The following ARHGAP25 variants were observed in gnomAD, a reference collection of about 807,000 sequenced individuals.
ARHGAP25 encodes the protein Rho GTPase activating protein 25, also known as rho GTPase-activating protein 25.
ARHGAP25 carries 34 observed loss-of-function variants against 71.0 expected under a neutral mutation model. That is an observed-to-expected ratio of 0.48 (90% CI 0.36 to 0.64). ARHGAP25 has a LOEUF of 0.64. Among genes scored for constraint, ARHGAP25 ranks in the 30% least tolerant of loss-of-function variants. ARHGAP25 has a pLI of 0.00. For missense variants in ARHGAP25, 706 were observed against 805.1 expected (o/e 0.88, Z 1.49); for synonymous variants, 282 against 296.5 (o/e 0.95, Z 0.50).
At chr2:68,791,321 C>G (rs1017332678) in intron 4 of ARHGAP25, among the ~76,000 whole-genome samples, 10 of 152,174 alleles carry the variant, frequency 6.6e-5, no homozygotes, top group African/African-American at 2.4e-4. Context: ...ATCCTAGAAT[C>G]TAAACAGTGC....
intron 1 of ARHGAP25, chr2:68,735,490 G>C: frequency 1.7e-6 from 1 of 595,482 alleles, no homozygotes; most frequent in Non-Finnish European, 3.0e-6. Flanking sequence ...TTGGTGTGCA[G>C]GATCTGGGGT....
At position 68,775,060 on chromosome 2, in the gene ARHGAP25, G is replaced by A; in HGVS notation, c.62-161G>A. ...GGCCCCTCGGCTGCTTCTCTGGCTC[G>A]GGGGGGACTTTCTCTGGCTCAGATC... On this transcript the variant is annotated intron_variant, in intron 1 of 10. Transcript: ENST00000409202. 2.0e-6 allele frequency: 3 copies of A among 1,513,050 alleles called. No homozygotes were observed. The highest frequency in any genetic ancestry group is 2.6e-5 in the South Asian group (2 of 77,254). The allele number at this position is 1,513,050 out of a possible 1,614,324, so 93.7% of individuals were successfully genotyped here. A position where few individuals can be genotyped will look rare whatever the true frequency, so the allele number is the denominator to read the frequency against.
intron 2 of ARHGAP25, among the ~76,000 whole-genome samples, chr2:68,717,669 T>C (rs1024221635): frequency 6.6e-5 from 10 of 152,206 alleles, no homozygotes; most frequent in Non-Finnish European, 1.5e-5. Context: ...AAAAAGCAGA[T>C]GCATATTCCT....
chr2:68,725,941 G>A (rs1205200908), intron 2 of ARHGAP25, among the ~76,000 whole-genome samples: 1 of 152,036 alleles, frequency 6.6e-6, no homozygotes, highest in Non-Finnish European at 1.5e-5. Context: ...TTACTCAAAT[G>A]TCACCTATTC....
chr2:68,733,892 A>G (rs368789716), upstream of ARHGAP25, among the ~76,000 whole-genome samples: 1 of 152,210 alleles, frequency 6.6e-6, no homozygotes, highest in East Asian at 1.9e-4. Context: ...ACAACAGCCT[A>G]TGAAGTAAGC....
chr2:68,716,466 G>A (rs1157075710), intron 2 of ARHGAP25, among the ~76,000 whole-genome samples: 1 of 152,124 alleles, frequency 6.6e-6, no homozygotes, highest in Non-Finnish European at 1.5e-5. Context: ...AGGTAGATGG[G>A]GACACTGTGG....
chr2:68,808,169 A>G (rs1335106731), intron 5 of ARHGAP25, among the ~76,000 whole-genome samples: 2 of 152,032 alleles, frequency 1.3e-5, no homozygotes, highest in Non-Finnish European at 2.9e-5. Context: ...AGCTAGTAAA[A>G]TCCCCACCCG....
intron 1 of ARHGAP25, among the ~76,000 whole-genome samples, chr2:68,770,278 A>C (rs913230102): frequency 3.3e-5 from 5 of 152,172 alleles, no homozygotes; most frequent in African/African-American, 1.2e-4. Context: ...ATGGGTCTAC[A>C]GCTCAGAAAG....
At chr2:68,825,775 T>C (rs1253213705) in intron 10 of ARHGAP25, among the ~76,000 whole-genome samples, 1 of 150,872 alleles carries the variant, frequency 6.6e-6, no homozygotes, top group African/African-American at 2.4e-5. Context: ...CGAGACTCCA[T>C]CCAAAAAAAA....
intron 1 of ARHGAP25, among the ~76,000 whole-genome samples, chr2:68,748,346 G>A (rs1675959437): frequency 6.6e-6 from 1 of 152,150 alleles, no homozygotes; most frequent in African/African-American, 2.4e-5. Flanking sequence ...CATATAATTA[G>A]CTGTAATTAG....
chr2:68,745,777 A>G (rs1183653166), intron 1 of ARHGAP25, among the ~76,000 whole-genome samples: 1 of 152,326 alleles, frequency 6.6e-6, no homozygotes, highest in East Asian at 1.9e-4. Context: ...TATTTATTAC[A>G]GTTCTGGAGG....
intron 7 of ARHGAP25, among the ~76,000 whole-genome samples, chr2:68,817,149 A>G (rs1289949673): frequency 2.0e-5 from 3 of 152,158 alleles, no homozygotes; most frequent in African/African-American, 7.2e-5. Context: ...GCATTTCCCT[A>G]TGTCATAAAA....
chr2:68,797,846 A>T (rs1458959407), intron 4 of ARHGAP25, among the ~76,000 whole-genome samples: 1 of 152,222 alleles, frequency 6.6e-6, no homozygotes, highest in Non-Finnish European at 1.5e-5. Context: ...ATAATTCCCC[A>T]GTGGGAAAGT....
rs919291838 is a variant in ARHGAP25, at chr2:68,734,855, C to T, written c.-345C>T. On this transcript the variant is annotated 5_prime_UTR_variant, in exon 1 of 11. Transcript: ENST00000409202. Reference sequence around the variant, plus strand: ...AACTCAGTAAGGCCTGAGATTCTTTCGAAAAGGAGCTTTGCTTCCCATGAC... The same window carrying T: ...AACTCAGTAAGGCCTGAGATTCTTTTGAAAAGGAGCTTTGCTTCCCATGAC... 5.6e-5 allele frequency: 18 copies of T among 321,726 alleles called. No homozygotes were observed. The highest frequency in any genetic ancestry group is 1.5e-4 in the South Asian group (3 of 20,340). The allele number at this position is 321,726 out of a possible 1,614,324, so 19.9% of individuals were successfully genotyped here. A position where few individuals can be genotyped will look rare whatever the true frequency, so the allele number is the denominator to read the frequency against.
chr2:68,785,552 TG>T (rs1678696460), intron 3 of ARHGAP25, among the ~76,000 whole-genome samples: 1 of 152,082 alleles, frequency 6.6e-6, no homozygotes, highest in African/African-American at 2.4e-5. Flanking sequence ...TTCGGGGGTT[TG>T]GGGGTAAGGG....
chr2:68,751,098 C>T lies in ARHGAP25; in HGVS notation c.61+15838C>T, dbSNP rs114142918. ...ATTGCAGACTCCAAAAATTGTCTAC[C>T]ATTTCTGACTCTTTCAATGTCTTTC... On this transcript the variant is annotated intron_variant, in intron 1 of 10. Coordinates refer to ENST00000409202, the MANE Select transcript of ARHGAP25 (RefSeq NM_001007231.3). 9.0e-3 allele frequency among the ~76,000 whole-genome samples: 1,366 copies of T among 152,236 alleles called. 20 individuals carry two copies. Among genetic ancestry groups the T allele is most frequent in the African/African-American group, 0.031 (1,298 of 41,524 alleles).
intron 1 of ARHGAP25, among the ~76,000 whole-genome samples, chr2:68,771,131 C>G (rs1197427486): frequency 6.6e-6 from 1 of 152,190 alleles, no homozygotes; most frequent in African/African-American, 2.4e-5. Context: ...TGGTTAGTGG[C>G]TACTGTACTA....
intron 1 of ARHGAP25, among the ~76,000 whole-genome samples, chr2:68,752,985 C>T (rs1160290697): frequency 6.6e-6 from 1 of 152,044 alleles, no homozygotes; most frequent in Admixed American, 6.5e-5. Context: ...AGGGTAGTCC[C>T]TGGACTTTAC....
In ARHGAP25 at chr2:68,822,642, C is replaced by T. The variant is rs1232596730; in HGVS notation, c.1503C>T (p.Ser501=). 2 of 1,614,116 alleles carry T rather than the reference C, an allele frequency of 1.2e-6. No homozygotes were observed. The highest frequency in any genetic ancestry group is 1.7e-6 in the Non-Finnish European group (2 of 1,180,038). Reference sequence around the variant, plus strand: ...AACTTTCTGACTCCCAACGGACTTCCACCTACGATAACGTCCCTTCCCTGC... The same window carrying T: ...AACTTTCTGACTCCCAACGGACTTCTACCTACGATAACGTCCCTTCCCTGC... The part of the protein sequence containing the change: ...LRQLSDSQRT[S]TYDNVPSLPG... The change falls in exon 10 of 11, where the codon TCC becomes TCT. Residue 501 remains serine, a synonymous_variant. Coordinates refer to ENST00000409202, the MANE Select transcript of ARHGAP25 (RefSeq NM_001007231.3).
Sources: allele counts gnomAD v4.1 joint callset (sites outside exome capture counted in the v4.1 genomes callset), GRCh38; gene constraint gnomAD v4.1.1; transcripts MANE v1.5; gene names NCBI Gene and HGNC (gene_info 2026-07-23, HGNC 2026-07-21).